Variants in JAM3 observed in about 807,000 individuals in gnomAD.
JAM3 encodes junctional adhesion molecule C.
In JAM3, 31 loss-of-function variants were observed where a neutral mutation model predicts 39.4. The observed-to-expected ratio is 0.79, with a 90% CI of 0.59 to 1.06. The LOEUF is 1.06. Ranked by LOEUF, JAM3 falls within the 50% of genes least tolerant of loss-of-function variation. The pLI is 0.00. For missense variants in JAM3, 455 were observed against 391.4 expected (o/e 1.16, Z -1.37); for synonymous variants, 182 against 148.7 (o/e 1.22, Z -1.63).
intron 6 of JAM3, 53 bp downstream of exon 6, chr11:134,146,098 C>A: frequency 8.3e-7 from 1 of 1,201,942 alleles, no homozygotes; most frequent in Non-Finnish European, 1.2e-6. Flanking sequence ...GTGAATAGAA[C>A]ATTTTAATTT....
At chr11:134,097,603 T>TG (rs1942005919) in intron 1 of JAM3, among the ~76,000 whole-genome samples, 1 of 152,118 alleles carries the variant, frequency 6.6e-6, no homozygotes, top group Non-Finnish European at 1.5e-5. Context: ...TTTCTACTAA[T>TG]GGAGAAGGGA....
chr11:134,082,129 T>C (rs1009803768), intron 1 of JAM3, among the ~76,000 whole-genome samples: 3 of 152,260 alleles, frequency 2.0e-5, no homozygotes, highest in African/African-American at 7.2e-5. Context: ...GCATGGGGCC[T>C]ATAGCCCCTT....
Position 134,139,868 on chromosome 11 carries a change from G to T in JAM3, c.94G>T (p.Val32Leu). 1 of 1,613,946 alleles carries T rather than the reference G, an allele frequency of 6.2e-7. No homozygotes were observed. The highest frequency in any genetic ancestry group is 8.5e-7 in the Non-Finnish European group (1 of 1,179,802). ...TCCTTCAGGCTGCCTGATAGGGGCTGTAAATCTCAAATCCAGCAATCGAAC... is the reference window on the plus strand; with the variant it reads ...TCCTTCAGGCTGCCTGATAGGGGCTTTAAATCTCAAATCCAGCAATCGAAC... Reference protein sequence around the residue: ...LLFRGCLIGAVNLKSSNRTPV... With the variant: ...LLFRGCLIGALNLKSSNRTPV... The change falls in exon 2 of 9, where the codon GTA becomes TTA. Residue 32 changes from valine (V) to leucine (L), a missense_variant. Val to Leu is a conservative substitution (Grantham distance 32). Transcript: ENST00000299106.
chr11:134,144,768 A>C (rs777394961), intron 4 of JAM3, 24 bp from the exon 5 acceptor site: 2 of 1,566,776 alleles, frequency 1.3e-6, no homozygotes, highest in Admixed American at 3.4e-5. Context: ...TGAGATCTTA[A>C]ACACCACCCC....
At position 134,099,201 on chromosome 11, in the gene JAM3, A is replaced by AAAAAAT. The variant is rs546835822; in HGVS notation, c.76+30057_76+30062dup. Among the ~76,000 whole-genome samples, 692 of 152,140 alleles carry AAAAAAT rather than the reference A, an allele frequency of 4.5e-3. 6 individuals carry two copies. The highest frequency in any genetic ancestry group is 0.016 in the African/African-American group (662 of 41,472). On this transcript the variant is annotated intron_variant, in intron 1 of 8. Coordinates refer to ENST00000299106, the MANE Select transcript of JAM3 (RefSeq NM_032801.5). ...CAGTGACAGGGTGAGACCCTATTTC[A>AAAAAAT]AAAAATAAAAATAAAAATAATACTA...
At chr11:134,122,722 CA>C (rs1325638747) in intron 1 of JAM3, among the ~76,000 whole-genome samples, 2 of 152,238 alleles carry the variant, frequency 1.3e-5, no homozygotes, top group Non-Finnish European at 2.9e-5. Context: ...GAAAACACCA[CA>C]AGCATTTCTC....
In JAM3 at chr11:134,136,206, A is replaced by T. The variant is rs113082801; in HGVS notation, c.77-3645A>T. ...CAGTTTTCCTTTTTCCGCCTTCCAA[A>T]AAACCCTTTCCTCACTCTTAAATAA... On this transcript the variant is annotated intron_variant, in intron 1 of 8. Transcript: ENST00000299106. Among the ~76,000 whole-genome samples, 357 of 152,332 alleles carry T rather than the reference A, an allele frequency of 2.3e-3. 1 individual carries two copies. Among genetic ancestry groups the T allele is most frequent in the African/African-American group, 8.0e-3 (334 of 41,576 alleles).
chr11:134,144,428 A>G (rs368124725), intron 4 of JAM3, 35 bp downstream of exon 4: 40 of 1,611,170 alleles, frequency 2.5e-5, no homozygotes, highest in Non-Finnish European at 3.4e-5. Flanking sequence ...CATTGCCACC[A>G]TAGGATGCAA....
intron 1 of JAM3, among the ~76,000 whole-genome samples, chr11:134,097,252 T>A (rs538788034): frequency 1.4e-4 from 21 of 152,340 alleles, no homozygotes; most frequent in African/African-American, 4.8e-4. Flanking sequence ...AGAAACAATT[T>A]CTAAGAGGGA....
At chr11:134,110,088 C>T (rs1942280609) in intron 1 of JAM3, among the ~76,000 whole-genome samples, 1 of 152,126 alleles carries the variant, frequency 6.6e-6, no homozygotes, top group South Asian at 2.1e-4. Flanking sequence ...TTAATTTGCA[C>T]CTTAATGCAA....
intron 1 of JAM3, among the ~76,000 whole-genome samples, chr11:134,107,414 T>C (rs896574397): frequency 1.1e-4 from 17 of 151,994 alleles, no homozygotes; most frequent in African/African-American, 3.6e-4. Context: ...CACACCAACA[T>C]GGCACATGTA....
At chr11:134,099,111 G>T (rs995209112) in intron 1 of JAM3, among the ~76,000 whole-genome samples, 1 of 152,110 alleles carries the variant, frequency 6.6e-6, no homozygotes, top group Admixed American at 6.5e-5. Context: ...TGAAGTGGGA[G>T]GATTACCTGA....
chr11:134,109,064 C>A (rs1050704464), intron 1 of JAM3, among the ~76,000 whole-genome samples: 1 of 152,184 alleles, frequency 6.6e-6, no homozygotes, highest in South Asian at 2.1e-4. Context: ...TCAAGCAATT[C>A]TCGTGCCTTA....
At chr11:134,146,528 A>C (rs940251222) in intron 6 of JAM3, among the ~76,000 whole-genome samples, 1 of 151,802 alleles carries the variant, frequency 6.6e-6, no homozygotes, top group African/African-American at 2.4e-5. Context: ...GGCAGAGAGG[A>C]TGTGTCCAAA....
At chr11:134,091,366 G>A (rs902977375) in intron 1 of JAM3, among the ~76,000 whole-genome samples, 5 of 152,020 alleles carry the variant, frequency 3.3e-5, no homozygotes, top group Non-Finnish European at 5.9e-5. Context: ...GTGGTGGCAC[G>A]CGCCTGTAGT....
intron 1 of JAM3, among the ~76,000 whole-genome samples, chr11:134,119,018 G>T (rs534438195): frequency 6.7e-6 from 1 of 150,002 alleles, no homozygotes; most frequent in East Asian, 1.9e-4. Flanking sequence ...GCTCAGGCTG[G>T]AATGCAGTGG....
intron 1 of JAM3, among the ~76,000 whole-genome samples, chr11:134,125,427 C>T (rs956160149): frequency 1.3e-5 from 2 of 152,182 alleles, no homozygotes; most frequent in African/African-American, 4.8e-5. Flanking sequence ...TCGTACAGAT[C>T]CTCTTCCCAC....
chr11:134,092,863 A>G (rs563879755), intron 1 of JAM3, among the ~76,000 whole-genome samples: 283 of 138,840 alleles, frequency 2.0e-3, no homozygotes, highest in East Asian at 2.4e-3. Flanking sequence ...TCCACCTTAC[A>G]TGTCACTTCC....
At chr11:134,120,734 T>A (rs916913744) in intron 1 of JAM3, among the ~76,000 whole-genome samples, 2 of 152,176 alleles carry the variant, frequency 1.3e-5, no homozygotes, top group African/African-American at 4.8e-5. Context: ...TCATGGACCC[T>A]CACTCTGCTT....
Sources: gnomAD v4.1 joint callset for allele counts (sites outside exome capture counted in the v4.1 genomes callset) on GRCh38, gnomAD v4.1.1 for gene constraint, MANE v1.5 for transcripts, NCBI Gene and HGNC (gene_info 2026-07-23, HGNC 2026-07-21) for gene names.